TPPP: variants seen among roughly 807,000 people sequenced by gnomAD.
TPPP encodes the protein tubulin polymerization-promoting protein.
In TPPP, 6 loss-of-function variants were observed where a neutral mutation model predicts 15.5. The ratio of observed to expected loss-of-function variants is 0.39; its 90% CI spans 0.21 to 0.77. TPPP has a LOEUF of 0.77. Ranked by LOEUF, TPPP falls within the 30% of genes least tolerant of loss-of-function variation. The pLI is 0.42. For synonymous variants in TPPP, 146 were observed against 133.9 expected (o/e 1.09, Z -0.63); for missense variants, 269 against 307.2 (o/e 0.88, Z 0.93).
At chr5:682,801 G>A (rs1426864492) in intron 1 of TPPP, among the ~76,000 whole-genome samples, 1 of 152,256 alleles carries the variant, frequency 6.6e-6, no homozygotes, top group Non-Finnish European at 1.5e-5. Flanking sequence ...CATGTGGATG[G>A]CTGTGGGGTG....
At chr5:700,662 G>T in the TPPP span, among the ~76,000 whole-genome samples, 2,544 of 151,050 alleles carry the variant, frequency 0.017, 68 homozygotes, top group African/African-American at 0.06. Flanking sequence ...CCTGAATAAG[G>T]TTTACCTAGG....
At chr5:682,830 AG>A (rs1740664828) in intron 1 of TPPP, among the ~76,000 whole-genome samples, 1 of 152,230 alleles carries the variant, frequency 6.6e-6, no homozygotes, top group South Asian at 2.1e-4. Context: ...TTGCTGGCAG[AG>A]GAGGCTGGTG....
upstream of TPPP, among the ~76,000 whole-genome samples, chr5:698,321 A>G (rs1741049142): frequency 6.6e-6 from 1 of 152,082 alleles, no homozygotes; most frequent in South Asian, 2.1e-4. Context: ...CAGAGCAATC[A>G]GGCAAGAGAA....
At chr5:698,432 C>T in the TPPP span, among the ~76,000 whole-genome samples, 2 of 152,038 alleles carry the variant, frequency 1.3e-5, no homozygotes, top group East Asian at 3.8e-4. Flanking sequence ...ACTTGTATCA[C>T]TGCTGGTAAA....
intron 1 of TPPP, among the ~76,000 whole-genome samples, chr5:679,422 G>C (rs1225465162): frequency 9.3e-6 from 1 of 107,480 alleles, no homozygotes; most frequent in Non-Finnish European, 1.9e-5. Context: ...GGGGTGGAAG[G>C]GCCGCCTGGG....
chr5:685,349 T>C (rs1316970267), intron 1 of TPPP, among the ~76,000 whole-genome samples: 2 of 152,222 alleles, frequency 1.3e-5, no homozygotes, highest in Non-Finnish European at 2.9e-5. Flanking sequence ...GGTGGAGTCC[T>C]GTGGCAGCGT....
intron 2 of TPPP, among the ~76,000 whole-genome samples, chr5:672,684 C>T (rs1448892813): frequency 1.3e-5 from 2 of 152,212 alleles, no homozygotes; most frequent in Admixed American, 1.3e-4. Flanking sequence ...CTCGAGGAGG[C>T]GCTGGGAGAT....
intron 2 of TPPP, among the ~76,000 whole-genome samples, 162 bp downstream of exon 2, chr5:677,588 C>T (rs1188053008): frequency 1.5e-4 from 23 of 152,110 alleles, no homozygotes; most frequent in Admixed American, 1.3e-3. Context: ...CCAGATGGCA[C>T]GTTCAGGCTC....
chr5:668,794 G>T (rs1442586008), intron 2 of TPPP, among the ~76,000 whole-genome samples: 1 of 152,230 alleles, frequency 6.6e-6, no homozygotes, highest in African/African-American at 2.4e-5. Flanking sequence ...CTTCAGCAGC[G>T]GCCAGACCAC....
chr5:696,953 C>T (rs1383426013), upstream of TPPP, among the ~76,000 whole-genome samples: 2 of 148,482 alleles, frequency 1.3e-5, no homozygotes, highest in African/African-American at 4.9e-5. Context: ...CCTGTATGTC[C>T]ACGTGCCTGT....
rs1386772131 is a variant in TPPP, at chr5:660,315, TC to T, written c.*4786del. 6.6e-6 allele frequency: 1 copy of T among 152,212 alleles called. No individual in the cohort carries two copies. Among genetic ancestry groups the T allele is most frequent in the Non-Finnish European group, 1.5e-5 (1 of 68,028 alleles). 9.4% of individuals were successfully genotyped at this position (152,212 alleles called of 1,614,324 possible). ...AAGTTTCTCTTAAGTTGTGCAGATT[TC>T]CTTTGTGGTTTGGCTTGGTTTAGTT... On this transcript the variant is annotated 3_prime_UTR_variant, in exon 4 of 4. Coordinates refer to ENST00000360578, the MANE Select transcript of TPPP (RefSeq NM_007030.3).
intron 2 of TPPP, among the ~76,000 whole-genome samples, chr5:666,662 C>T (rs964128644): frequency 1.3e-5 from 2 of 151,560 alleles, no homozygotes; most frequent in Non-Finnish European, 2.9e-5. Flanking sequence ...TTGCACTGCT[C>T]TGGCCTCAGA....
rs1306917213 is a variant in TPPP at position 673,435 on chromosome 5, CAG to C, written c.311+4313_311+4314del. On this transcript the variant is annotated intron_variant, in intron 2 of 3. Transcript: ENST00000360578. ...GGGCAGCCCTGGGGGGCCAGGGTCA[CAG>C]GGGTCCATGGCTGCAGGTGAATGGG... 2.6e-5 allele frequency among the ~76,000 whole-genome samples: 4 copies of C among 151,968 alleles called. No homozygotes were observed. The East Asian group carries it at 7.8e-4, about 29-fold the overall frequency.
rs1356143623 is a variant in TPPP at position 663,060 on chromosome 5, C to G, written c.*2042G>C. 7.9e-6 allele frequency: 1 copy of G among 126,500 alleles called. No individual in the cohort carries two copies. Among genetic ancestry groups the G allele is most frequent in the Non-Finnish European group, 1.8e-5 (1 of 56,736 alleles). The allele number at this position is 126,500 out of a possible 1,614,324, so 7.8% of individuals were successfully genotyped here. On this transcript the variant is annotated 3_prime_UTR_variant, in exon 4 of 4. Coordinates refer to ENST00000360578, the MANE Select transcript of TPPP (RefSeq NM_007030.3). ...AGTCCGATGACTGCTCGTCTGTGAT[C>G]GGGTGATTCCGATGACTGCTTGTCT...
chr5:697,072 G>GTT (rs1219337684), upstream of TPPP, among the ~76,000 whole-genome samples: 2 of 147,742 alleles, frequency 1.4e-5, no homozygotes, highest in Non-Finnish European at 3.0e-5. Context: ...ACCTGTGTGT[G>GTT]TGCACGTGCC....
chr5:674,065 A>C (rs1363333275), intron 2 of TPPP, among the ~76,000 whole-genome samples: 1 of 152,258 alleles, frequency 6.6e-6, no homozygotes, highest in African/African-American at 2.4e-5. Context: ...AAGGCTGTGC[A>C]CATGGGGCCG....
chr5:660,667 A>AT lies in TPPP; in HGVS notation c.*4434dup, dbSNP rs575002667. ...AAGTGTCCAGGGCCAAGGCATCTCC[A>AT]TCTCAACTCCTCCCCACTCCACTTG... On this transcript the variant is annotated 3_prime_UTR_variant, in exon 4 of 4. Coordinates refer to ENST00000360578, the MANE Select transcript of TPPP (RefSeq NM_007030.3). The AT allele has an allele frequency of 6.6e-4, 100 of 152,400 alleles. No individual in the cohort carries two copies. The highest frequency in any genetic ancestry group is 2.4e-3 in the African/African-American group (100 of 41,572). The allele number at this position is 152,400 out of a possible 1,614,324, so 9.4% of individuals were successfully genotyped here.
intron 2 of TPPP, among the ~76,000 whole-genome samples, chr5:669,844 G>A (rs1262334557): frequency 3.3e-5 from 5 of 152,084 alleles, no homozygotes; most frequent in South Asian, 4.1e-4. Flanking sequence ...CTAGGACAGC[G>A]GTGCCTGCCT....
At position 662,549 on chromosome 5, in the gene TPPP, G is replaced by C. The variant is rs566750554; in HGVS notation, c.*2553C>G. On this transcript the variant is annotated 3_prime_UTR_variant, in exon 4 of 4. Transcript: ENST00000360578. ...CCGTCCTGACCCGGCGCCAGGCTCA[G>C]CTCCAGGGCGAGGTCCTCTGGAGTC... is the stretch of plus-strand genomic sequence containing the variant. 6.6e-6 allele frequency: 1 copy of C among 152,582 alleles called. No homozygotes were observed. The highest frequency in any genetic ancestry group is 6.5e-5 in the Admixed American group (1 of 15,308). 9.5% of individuals were successfully genotyped at this position (152,582 alleles called of 1,614,324 possible). A position where few individuals can be genotyped will look rare whatever the true frequency, so the allele number is the denominator to read the frequency against.
Sources: allele counts gnomAD v4.1 joint callset (sites outside exome capture counted in the v4.1 genomes callset), GRCh38; gene constraint gnomAD v4.1.1; transcripts MANE v1.5; gene names NCBI Gene and HGNC (gene_info 2026-07-23, HGNC 2026-07-21).